The following MBD5 variants were observed in gnomAD, a reference collection of about 807,000 sequenced individuals.
The protein encoded by MBD5 is methyl-CpG binding domain protein 5.
A neutral mutation model predicts 117.3 loss-of-function variants in MBD5; 13 were observed. The ratio of observed to expected loss-of-function variants is 0.11; its 90% confidence interval spans 0.07 to 0.18. MBD5 has a LOEUF of 0.18. Among genes scored for constraint, MBD5 ranks in the 10% least tolerant of loss-of-function variants. MBD5 has a pLI of 1.00. For missense variants in MBD5, 1,879 were observed against 2,093.8 expected, an observed-to-expected ratio of 0.90 and a Z score of 2.00; for synonymous variants, 727 against 766.4, an observed-to-expected ratio of 0.95 and a Z score of 0.85.
At chr2:148,317,004 T>C (rs927106586) in intron 3 of MBD5, among the ~76,000 whole-genome samples, 15 of 152,168 alleles carry the variant, frequency 9.9e-5, no homozygotes, top group African/African-American at 3.6e-4. Context: ...CTTGAAAGCA[T>C]AGACAATTTT....
intron 4 of MBD5, among the ~76,000 whole-genome samples, chr2:148,397,533 G>A (rs1704760615): frequency 6.6e-6 from 1 of 152,020 alleles, no homozygotes; most frequent in Admixed American, 6.5e-5. Flanking sequence ...GTTTCACCAT[G>A]TTAGCCAGTA....
intron 4 of MBD5, among the ~76,000 whole-genome samples, chr2:148,434,361 G>C (rs930655930): frequency 1.3e-5 from 2 of 151,700 alleles, no homozygotes; most frequent in African/African-American, 4.8e-5. Context: ...GGTTTTCCTG[G>C]CTCAATTTCC....
chr2:148,384,295 C>T (rs1704266398), intron 4 of MBD5, among the ~76,000 whole-genome samples: 2 of 152,280 alleles, frequency 1.3e-5, no homozygotes, highest in South Asian at 4.1e-4. Context: ...GCTAAAATCA[C>T]AAGCATTCTT....
In MBD5 at chr2:148,407,146, T is replaced by A. The variant is rs141277950; in HGVS notation, c.-556-51057T>A. 2.2e-4 allele frequency among the ~76,000 whole-genome samples: 34 copies of A among 152,306 alleles called. No homozygotes were observed. In the East Asian group the frequency reaches 6.4e-3, roughly 28 times the overall value. On this transcript the variant is annotated intron_variant, in intron 4 of 13. Coordinates refer to ENST00000642680, the MANE Select transcript of MBD5 (RefSeq NM_001378120.1). ...ATCCTCATCATCCAAATACTACTGA[T>A]TCAGTATGAACCAATAACTCTTATG...
intron 2 of MBD5, among the ~76,000 whole-genome samples, chr2:148,211,777 G>T (rs1245865264): frequency 6.6e-6 from 1 of 152,024 alleles, no homozygotes; most frequent in Non-Finnish European, 1.5e-5. Flanking sequence ...TCAGGATCTC[G>T]CTCTGTCACC....
chr2:148,273,494 G>A (rs1358852353), intron 3 of MBD5, among the ~76,000 whole-genome samples: 3 of 152,098 alleles, frequency 2.0e-5, no homozygotes, highest in Non-Finnish European at 1.5e-5. Flanking sequence ...TCTGATGGAC[G>A]AGCTGGCACC....
At chr2:148,437,136 C>T (rs1232127011) in intron 4 of MBD5, among the ~76,000 whole-genome samples, 3 of 152,174 alleles carry the variant, frequency 2.0e-5, no homozygotes, top group East Asian at 1.9e-4. Context: ...GCACGTGCAC[C>T]GCGCCTGGCT....
At chr2:148,199,977 G>T (rs1333192611) in intron 2 of MBD5, among the ~76,000 whole-genome samples, 1 of 152,100 alleles carries the variant, frequency 6.6e-6, no homozygotes, top group Admixed American at 6.5e-5. Context: ...ATCATCTTAG[G>T]AAGCTGTACA....
chr2:148,184,856 T>C (rs1454043098), intron 2 of MBD5, among the ~76,000 whole-genome samples: 2 of 152,154 alleles, frequency 1.3e-5, no homozygotes, highest in African/African-American at 2.4e-5. Flanking sequence ...AATCAGTTTA[T>C]CAAATCTACA....
intron 1 of MBD5, among the ~76,000 whole-genome samples, chr2:148,107,264 C>G (rs1696394418): frequency 6.6e-6 from 1 of 152,028 alleles, no homozygotes; most frequent in South Asian, 2.1e-4. Context: ...TTTGAAAACT[C>G]ATTAGTCTTT....
intron 4 of MBD5, among the ~76,000 whole-genome samples, chr2:148,406,012 T>TTAAA (rs1428697200): frequency 1.3e-5 from 2 of 152,050 alleles, no homozygotes; most frequent in Admixed American, 1.3e-4. Flanking sequence ...CTAAGTTGAT[T>TTAAA]TAAATAAATA....
intron 4 of MBD5, among the ~76,000 whole-genome samples, chr2:148,437,643 A>G (rs1706193417): frequency 2.6e-5 from 4 of 152,156 alleles, no homozygotes; most frequent in African/African-American, 9.6e-5. Context: ...CACTTTACAC[A>G]ATGAAATAGG....
chr2:148,066,875 T>C (rs1224340205), intron 1 of MBD5, among the ~76,000 whole-genome samples: 1 of 152,214 alleles, frequency 6.6e-6, no homozygotes, highest in Non-Finnish European at 1.5e-5. Flanking sequence ...ACTTAAGACT[T>C]GGCCTAGACA....
Position 148,468,959 on chromosome 2 carries a change from C to G in MBD5, c.1016C>G (p.Pro339Arg), listed in dbSNP as rs748307129. 3 of 1,613,832 alleles carry G rather than the reference C, an allele frequency of 1.9e-6. No homozygotes were observed. Among genetic ancestry groups the G allele is most frequent in the Admixed American group, 1.7e-5 (1 of 59,980 alleles). Residue 339 changes from proline to arginine, a missense_variant, in exon 8 of 14, where the codon CCT becomes CGT. Pro to Arg is a moderately radical substitution (Grantham distance 103). Transcript: ENST00000642680. The part of the protein sequence containing the change: ...HHKPPQGPPP[P>R]PPPSCALQKK... Reference sequence around the variant, plus strand: ...AAACCACCCCAAGGCCCACCTCCCCCTCCTCCACCTTCTTGTGCTCTTCAG... The same window carrying G: ...AAACCACCCCAAGGCCCACCTCCCCGTCCTCCACCTTCTTGTGCTCTTCAG...
At chr2:148,462,123 C>T (rs955062578) in intron 5 of MBD5, among the ~76,000 whole-genome samples, 17 of 152,188 alleles carry the variant, frequency 1.1e-4, no homozygotes, top group Non-Finnish European at 2.9e-5. Context: ...GACTTGCTCA[C>T]TCCAACTTTT....
Position 148,468,572 on chromosome 2 carries a change from A to G in MBD5, c.629A>G (p.Gln210Arg), listed in dbSNP as rs998102330. The change falls in exon 8 of 14, where the codon CAG becomes CGG. Residue 210 changes from glutamine (Q) to arginine (R), a missense_variant. This residue lies in a region of MBD5 where 1,666 missense variants were observed against 1,792.2 expected (regional missense o/e 0.93). Coordinates refer to ENST00000642680, the MANE Select transcript of MBD5 (RefSeq NM_001378120.1). ...RQRLGSSEHG[Q>R]KSPFRGSHGG... ...AGATTGGGCAGCAGTGAACATGGAC[A>G]GAAATCTCCATTCCGTGGCAGCCAT... is the stretch of plus-strand genomic sequence containing the variant. 3.1e-6 allele frequency: 5 copies of G among 1,613,852 alleles called. No homozygotes were observed. The African/African-American group carries it at 6.7e-5, about 22-fold the overall frequency.
At chr2:148,238,123 T>G (rs1448458410) in intron 3 of MBD5, among the ~76,000 whole-genome samples, 1 of 152,196 alleles carries the variant, frequency 6.6e-6, no homozygotes, top group Non-Finnish European at 1.5e-5. Context: ...GAACAATGAA[T>G]TTGCTCATTC....
At position 148,172,322 on chromosome 2, in the gene MBD5, C is replaced by T. The variant is rs1016982449; in HGVS notation, c.-924-6378C>T. Among the ~76,000 whole-genome samples, 20 of 152,330 alleles carry T rather than the reference C, an allele frequency of 1.3e-4. 1 individual carries two copies. Among genetic ancestry groups the T allele is most frequent in the Admixed American group, 1.3e-3 (20 of 15,308 alleles). ...CTGCTGCCTGGCCTCTCCTTGCTCC[C>T]GGTGCCTGCTCCCATTTCAGAGCAA... On this transcript the variant is annotated intron_variant, in intron 1 of 13. Coordinates refer to ENST00000642680, the MANE Select transcript of MBD5 (RefSeq NM_001378120.1).
intron 1 of MBD5, chr2:148,054,694 G>A (rs984377643): frequency 8.5e-5 from 13 of 152,126 alleles, no homozygotes; most frequent in Non-Finnish European, 1.6e-4. Flanking sequence ...TTTTACATAA[G>A]TATTAATTAG....
Sources: gnomAD v4.1 joint callset for allele counts (sites outside exome capture counted in the v4.1 genomes callset) on GRCh38, gnomAD v4.1.1 for gene constraint, gnomAD v4.1.1 regional missense constraint, MANE v1.5 for transcripts, NCBI Gene and HGNC (gene_info 2026-07-23, HGNC 2026-07-21) for gene names.